B4GALNT3: variants seen among roughly 807,000 people sequenced by gnomAD.
B4GALNT3 encodes beta-1,4-N-acetylgalactosaminyltransferase 3.
B4GALNT3 carries 86 observed loss-of-function variants against 120.2 expected under a neutral mutation model. That is an observed-to-expected ratio of 0.72 (90% CI 0.60 to 0.86). B4GALNT3 has a LOEUF of 0.86. Ranked by LOEUF, B4GALNT3 falls within the 40% of genes least tolerant of loss-of-function variation. The pLI is 0.00. For synonymous variants in B4GALNT3, 518 were observed against 510.4 expected (o/e 1.01, Z -0.20); for missense variants, 1,167 against 1,298.9 (o/e 0.90, Z 1.56).
At chr12:498,963 C>G (rs1393440203) in intron 1 of B4GALNT3, among the ~76,000 whole-genome samples, 1 of 152,108 alleles carries the variant, frequency 6.6e-6, no homozygotes, top group Non-Finnish European at 1.5e-5. Flanking sequence ...TTGGGAAATC[C>G]AATGATGAAT....
chr12:489,407 C>T (rs1946320859), intron 1 of B4GALNT3, among the ~76,000 whole-genome samples: 1 of 149,924 alleles, frequency 6.7e-6, no homozygotes, highest in African/African-American at 2.5e-5. Context: ...AATACATAGA[C>T]AATAGTAATA....
chr12:551,955 C>T (rs1160511840), intron 11 of B4GALNT3, 108 bp from the exon 12 acceptor site: 5 of 846,354 alleles, frequency 5.9e-6, no homozygotes, highest in Non-Finnish European at 1.0e-5. Flanking sequence ...AGGGCGGGTC[C>T]CTAGCAGCCC....
rs1042350638 is a variant in B4GALNT3, at chr12:506,413, T to G, written c.170-28753T>G. ...AATGAAATACAGAGAAGTTTAAAAC[T>G]GTTATCTTCCTATATTTTCATTTCC... is the stretch of plus-strand genomic sequence containing the variant. On this transcript the variant is annotated intron_variant, in intron 1 of 19. Coordinates refer to ENST00000266383, the MANE Select transcript of B4GALNT3 (RefSeq NM_173593.4). Among the ~76,000 whole-genome samples the G allele has an allele frequency of 1.7e-4, 26 of 152,172 alleles. 1 individual carries two copies. Among genetic ancestry groups the G allele is most frequent in the African/African-American group, 5.8e-4 (24 of 41,450 alleles).
At chr12:478,250 TA>T (rs34616848) in intron 1 of B4GALNT3, among the ~76,000 whole-genome samples, 159 of 86,890 alleles carry the variant, frequency 1.8e-3, no homozygotes, top group Middle Eastern at 7.5e-3. Flanking sequence ...ACTCTGTCTT[TA>T]AAAAAAAAAA....
chr12:519,639 C>T (rs914785208), intron 1 of B4GALNT3, among the ~76,000 whole-genome samples: 1 of 148,078 alleles, frequency 6.8e-6, no homozygotes, highest in Non-Finnish European at 1.5e-5. Context: ...GTCATCCATC[C>T]CATCCCAAGC....
At chr12:484,013 A>C (rs754681136) in intron 1 of B4GALNT3, among the ~76,000 whole-genome samples, 50 of 152,244 alleles carry the variant, frequency 3.3e-4, no homozygotes, top group Non-Finnish European at 6.2e-4. Context: ...AGTGGAACTA[A>C]CTTTACTTGC....
chr12:495,803 C>T (rs1013484514), intron 1 of B4GALNT3, among the ~76,000 whole-genome samples: 19 of 152,068 alleles, frequency 1.2e-4, no homozygotes, highest in African/African-American at 3.6e-4. Flanking sequence ...TAATGGAAGC[C>T]GGGTCTGCAG....
chr12:480,821 G>A (rs1309320475), intron 1 of B4GALNT3, among the ~76,000 whole-genome samples: 2 of 152,222 alleles, frequency 1.3e-5, no homozygotes, highest in Non-Finnish European at 2.9e-5. Context: ...TTTGGCGGGA[G>A]AGGCGCAGGG....
rs528963054 is a variant in B4GALNT3, at chr12:540,965, G to A, written c.352-3374G>A. Reference sequence around the variant, plus strand: ...TCACCATGTTAGCCAGGATGGTCTCGATCTCCTGACCTCGTGATCCGCCCG... The same window carrying A: ...TCACCATGTTAGCCAGGATGGTCTCAATCTCCTGACCTCGTGATCCGCCCG... On this transcript the variant is annotated intron_variant, in intron 3 of 19. Coordinates refer to ENST00000266383, the MANE Select transcript of B4GALNT3 (RefSeq NM_173593.4). 4.0e-3 allele frequency among the ~76,000 whole-genome samples: 607 copies of A among 152,198 alleles called. 3 individuals are homozygous for A. Among genetic ancestry groups the A allele is most frequent in the Non-Finnish European group, 4.1e-3 (279 of 67,974 alleles).
intron 1 of B4GALNT3, among the ~76,000 whole-genome samples, chr12:472,583 G>T (rs1946147058): frequency 6.6e-6 from 1 of 152,188 alleles, no homozygotes; most frequent in Non-Finnish European, 1.5e-5. Context: ...AACTACAGGT[G>T]CCCGCCACCA....
rs1341069130 is a variant in B4GALNT3, at chr12:510,456, A to G, written c.170-24710A>G. On this transcript the variant is annotated intron_variant, in intron 1 of 19. Transcript: ENST00000266383. ...GAGAGACACTCCATGGGGGGGTTGG[A>G]CGCTGGGGGGCTGGTCAGGGGAGTT... Among the ~76,000 whole-genome samples the G allele has an allele frequency of 4.9e-5, 5 of 101,784 alleles. 1 individual carries two copies. Among genetic ancestry groups the G allele is most frequent in the Non-Finnish European group, 7.0e-5 (3 of 42,836 alleles). 66.8% of individuals were successfully genotyped at this position (101,784 alleles called of 152,430 possible). A position where few individuals can be genotyped will look rare whatever the true frequency, so the allele number is the denominator to read the frequency against.
chr12:494,243 A>G (rs921618638), intron 1 of B4GALNT3, among the ~76,000 whole-genome samples: 32 of 150,630 alleles, frequency 2.1e-4, no homozygotes, highest in African/African-American at 7.8e-4. Context: ...GTGCTACTGT[A>G]CTCCAGCCTG....
intron 1 of B4GALNT3, among the ~76,000 whole-genome samples, chr12:482,519 T>C (rs1946251345): frequency 1.3e-5 from 2 of 152,172 alleles, no homozygotes; most frequent in Admixed American, 1.3e-4. Flanking sequence ...TTATCCAACA[T>C]TTATTGAGTT....
chr12:501,001 G>A (rs576427472), intron 1 of B4GALNT3, among the ~76,000 whole-genome samples: 3 of 150,586 alleles, frequency 2.0e-5, no homozygotes, highest in East Asian at 2.0e-4. Context: ...AGCCTCCTGC[G>A]TAGCTGGGAT....
intron 17 of B4GALNT3, 32 bp downstream of exon 17, chr12:558,120 A>C (rs1173080398): frequency 6.2e-7 from 1 of 1,605,632 alleles, no homozygotes; most frequent in Admixed American, 1.7e-5. Flanking sequence ...TGCGAGATGG[A>C]ATTCAAGGCT....
chr12:477,934 A>G (rs1410382704), intron 1 of B4GALNT3, among the ~76,000 whole-genome samples: 1 of 152,188 alleles, frequency 6.6e-6, no homozygotes, highest in African/African-American at 2.4e-5. Context: ...GGTAGCAACA[A>G]ATAGGTTCAG....
intron 19 of B4GALNT3, among the ~76,000 whole-genome samples, chr12:559,712 G>T (rs528492610): frequency 6.6e-6 from 1 of 152,174 alleles, no homozygotes; most frequent in Admixed American, 6.5e-5. Context: ...AAACCATGAT[G>T]TTCTCAGCAC....
intron 1 of B4GALNT3, among the ~76,000 whole-genome samples, chr12:508,414 G>C (rs1946517795): frequency 6.6e-6 from 1 of 152,034 alleles, no homozygotes; most frequent in Non-Finnish European, 1.5e-5. Flanking sequence ...TGAGTGCCTG[G>C]GACTACAGGT....
At position 545,351 on chromosome 12, in the gene B4GALNT3, A is replaced by C; in HGVS notation, c.539-18A>C. ...ATGCCCTCCTTGCCCTCATCTGGAA[A>C]CTCTCCCCGCTGCCCAGGGAAAATC... On this transcript the variant is annotated intron_variant, in intron 5 of 19. Coordinates refer to ENST00000266383, the MANE Select transcript of B4GALNT3 (RefSeq NM_173593.4). 3 of 1,597,390 alleles carry C rather than the reference A, an allele frequency of 1.9e-6. No homozygotes were observed. Among genetic ancestry groups the C allele is most frequent in the Admixed American group, 3.5e-5 (2 of 57,632 alleles).
Sources: allele counts gnomAD v4.1 joint callset (sites outside exome capture counted in the v4.1 genomes callset), GRCh38; gene constraint gnomAD v4.1.1; transcripts MANE v1.5; gene names NCBI Gene and HGNC (gene_info 2026-07-23, HGNC 2026-07-21).